The following GSE1 variants were observed in gnomAD, a reference collection of about 807,000 sequenced individuals.
GSE1 encodes genetic suppressor element 1.
In GSE1, 32 loss-of-function variants were observed where a neutral mutation model predicts 112.6. That is an observed-to-expected ratio of 0.28 (90% confidence interval 0.21 to 0.38). GSE1 has a LOEUF of 0.38. Among genes scored for constraint, GSE1 ranks in the 10% least tolerant of loss-of-function variants. The pLI, the probability that GSE1 is intolerant of heterozygous loss-of-function variation, is 1.00. For missense variants in GSE1, 2,348 were observed against 1,699.2 expected (o/e 1.38, Z -6.71); for synonymous variants, 1,115 against 735.6 (o/e 1.52, Z -8.35).
At chr16:85,199,366 G>A (rs989638271) in intron 1 of GSE1, among the ~76,000 whole-genome samples, 2 of 152,314 alleles carry the variant, frequency 1.3e-5, no homozygotes, top group Non-Finnish European at 2.9e-5. Context: ...GATTACAGGC[G>A]AGAGCCACAG....
At chr16:85,495,950 C>T (rs934740130) in intron 2 of GSE1, among the ~76,000 whole-genome samples, 6 of 152,180 alleles carry the variant, frequency 3.9e-5, no homozygotes, top group Non-Finnish European at 5.9e-5. Context: ...GGTGATTCAT[C>T]GAGCATCCCT....
At chr16:85,326,161 G>A (rs551153811) in intron 1 of GSE1, among the ~76,000 whole-genome samples, 4 of 152,058 alleles carry the variant, frequency 2.6e-5, no homozygotes, top group Middle Eastern at 6.8e-3. Context: ...CTCTGGAATC[G>A]GTGCCCCCCT....
At chr16:85,528,994 C>T (rs1281008914) in intron 2 of GSE1, among the ~76,000 whole-genome samples, 1 of 152,048 alleles carries the variant, frequency 6.6e-6, no homozygotes, top group Admixed American at 6.6e-5. Context: ...CAAATGGGAG[C>T]CATGGAGGGT....
chr16:85,419,481 C>G lies in GSE1; in HGVS notation c.2464+61838C>G, dbSNP rs1332630154. Among the ~76,000 whole-genome samples, 1 of 151,994 alleles carries G rather than the reference C, an allele frequency of 6.6e-6. No individual in the cohort carries two copies. Among genetic ancestry groups the G allele is most frequent in the African/African-American group, 2.4e-5 (1 of 41,366 alleles). On this transcript the variant is annotated intron_variant, in intron 2 of 2. Transcript: ENST00000637419. This position sits in a 1 kb window ranked among gnomAD's most constrained non-coding sequence, Gnocchi z 6.5. The stretch of plus-strand genomic sequence containing the variant: ...GTTAGCCAGGCGTGGTGGTGCACAT[C>G]TGTGGTCCTAGCTACTCGGGAGGCT...
In GSE1 at chr16:85,628,398, A is replaced by G. The variant is rs768426554; in HGVS notation, c.8-5516A>G. On this transcript the variant is annotated intron_variant, in intron 1 of 15. Coordinates refer to ENST00000253458, the MANE Select transcript of GSE1 (RefSeq NM_014615.5). ...CTGTACCTGGGGCTGGAGGGGGCCC[A>G]TGGGGCCCGGGGAGCAGATATTGGG... is the stretch of plus-strand genomic sequence containing the variant. Among the ~76,000 whole-genome samples, 4 of 152,310 alleles carry G rather than the reference A, an allele frequency of 2.6e-5. No homozygotes were observed. In the South Asian group the frequency reaches 6.2e-4, roughly 24 times the overall value.
chr16:85,506,689 G>A (rs896461497), intron 2 of GSE1, among the ~76,000 whole-genome samples: 4 of 152,046 alleles, frequency 2.6e-5, no homozygotes, highest in Admixed American at 6.6e-5. Context: ...TGGGGGCAGC[G>A]CCGTAATCAT....
Position 85,296,000 on chromosome 16 carries a change from C to T in GSE1, c.2284-61463C>T, listed in dbSNP as rs147228261. On this transcript the variant is annotated intron_variant, in intron 1 of 2. Coordinates refer to the GSE1 transcript ENST00000637419. ...CACTGCAATCCAGCCTTTTGGAGCA[C>T]CCATCCAGGAAGCCGGCACCACAGC... Among the ~76,000 whole-genome samples, 1,384 of 152,266 alleles carry T rather than the reference C, an allele frequency of 9.1e-3. 12 individuals carry two copies. The highest frequency in any genetic ancestry group is 0.044 in the Middle Eastern group (13 of 294).
intron 1 of GSE1, among the ~76,000 whole-genome samples, chr16:85,230,225 G>GCCGT (rs1229164900): frequency 6.6e-6 from 1 of 152,186 alleles, no homozygotes; most frequent in African/African-American, 2.4e-5. Flanking sequence ...GAGTGCCTGT[G>GCCGT]CCGTCTGGTT....
At chr16:85,320,798 C>T (rs963010779) in intron 1 of GSE1, among the ~76,000 whole-genome samples, 1 of 152,186 alleles carries the variant, frequency 6.6e-6, no homozygotes, top group Non-Finnish European at 1.5e-5. Flanking sequence ...TCCTTTCTCC[C>T]CACTCTGCGT....
chr16:85,653,122 C>T (rs1357364155), intron 3 of GSE1, among the ~76,000 whole-genome samples: 18 of 147,206 alleles, frequency 1.2e-4, no homozygotes, highest in Non-Finnish European at 6.0e-5. Flanking sequence ...AGAGTGACGC[C>T]TGGGTTGGCA....
chr16:85,468,570 C>T (rs550230351), intron 2 of GSE1, among the ~76,000 whole-genome samples: 1 of 151,992 alleles, frequency 6.6e-6, no homozygotes, highest in Non-Finnish European at 1.5e-5. Context: ...CACCAGCCCC[C>T]CTCAGCCTCC....
intron 1 of GSE1, among the ~76,000 whole-genome samples, chr16:85,631,884 G>A (rs569908118): frequency 6.8e-4 from 104 of 152,378 alleles, no homozygotes; most frequent in African/African-American, 2.3e-3. Context: ...GACCCGCTGC[G>A]CCTCTGTGCA....
chr16:85,206,445 A>T (rs2075117764), intron 1 of GSE1, among the ~76,000 whole-genome samples: 1 of 152,086 alleles, frequency 6.6e-6, no homozygotes. Flanking sequence ...AGCAGCCAGG[A>T]GCAGAGTGAG....
chr16:85,507,983 C>T (rs1464454371), intron 2 of GSE1, among the ~76,000 whole-genome samples: 1 of 152,170 alleles, frequency 6.6e-6, no homozygotes, highest in Non-Finnish European at 1.5e-5. Context: ...CCCCAGAAGC[C>T]CCCTGTGGCC....
chr16:85,511,932 T>C (rs1171628752), intron 2 of GSE1, among the ~76,000 whole-genome samples: 1 of 152,204 alleles, frequency 6.6e-6, no homozygotes, highest in Non-Finnish European at 1.5e-5. Context: ...TTTAAGCCAC[T>C]GCAGGGCAGA....
In GSE1 at chr16:85,654,273, C is replaced by T. The variant is rs753572637; in HGVS notation, c.427-5C>T. On this transcript the variant is annotated splice_region_variant and splice_polypyrimidine_tract_variant and intron_variant, in intron 3 of 15. Coordinates refer to ENST00000253458, the MANE Select transcript of GSE1 (RefSeq NM_014615.5). The stretch of plus-strand genomic sequence containing the variant: ...CTGCCCTGACTGGACGCTCTCCTCC[C>T]GCAGGATGCCGGCTCCAGGAGCAGC... The T allele has an allele frequency of 7.2e-5, 114 of 1,587,468 alleles. 1 individual carries two copies. Among genetic ancestry groups the T allele is most frequent in the Middle Eastern group, 3.7e-4 (2 of 5,474 alleles).
intron 1 of GSE1, among the ~76,000 whole-genome samples, chr16:85,173,300 G>A (rs146928026): frequency 5.8e-4 from 88 of 152,288 alleles, no homozygotes; most frequent in African/African-American, 1.9e-3. Context: ...GGCAGATTTC[G>A]AAATTCTGCC....
exon 1 of GSE1, chr16:85,171,346 C>G (rs1305652905): frequency 1.0e-6 from 1 of 985,504 alleles, no homozygotes; most frequent in Non-Finnish European, 1.2e-6. Context: ...GGAGTTCCAG[C>G]TCAACGTGAA....
rs376917217 is a variant in GSE1, at chr16:85,304,365, G to A, written c.2284-53098G>A. 5.5e-4 allele frequency among the ~76,000 whole-genome samples: 84 copies of A among 152,094 alleles called. 1 individual carries two copies. The South Asian group carries it at 0.017, about 31-fold the overall frequency. On this transcript the variant is annotated intron_variant, in intron 1 of 2. Coordinates refer to the GSE1 transcript ENST00000637419. ...GTGGGGAGAGGCCCTCGGTGGGGCC[G>A]GGGCTCTCTAGCAGAGGGGCTGGGT...
Sources: allele counts gnomAD v4.1 joint callset (sites outside exome capture counted in the v4.1 genomes callset), GRCh38; gene constraint gnomAD v4.1.1; non-coding constraint Gnocchi (gnomAD v3.1); transcripts MANE v1.5; gene names NCBI Gene and HGNC (gene_info 2026-07-23, HGNC 2026-07-21).